Variants in AGMO observed in about 807,000 individuals in gnomAD.
AGMO encodes the protein alkylglycerol monooxygenase.
A neutral mutation model predicts 60.2 loss-of-function variants in AGMO; 75 were observed. The observed-to-expected ratio is 1.25, with a 90% CI of 1.03 to 1.51. The LOEUF (loss-of-function observed/expected upper bound fraction) is 1.51, where lower values mean the gene tolerates loss of function less well. Ranked by LOEUF, AGMO falls within the 40% of genes most tolerant of loss-of-function variation. The pLI is 0.00. For synonymous variants in AGMO, 261 were observed against 177.1 expected (o/e 1.47, Z -3.76); for missense variants, 763 against 525.5 (o/e 1.45, Z -4.42).
the AGMO span, among the ~76,000 whole-genome samples, chr7:15,131,287 G>A: frequency 6.6e-6 from 1 of 152,074 alleles, no homozygotes; most frequent in African/African-American, 2.4e-5. Context: ...TGGAGTTAGA[G>A]CTCCATAACT....
At chr7:15,400,866 A>G (rs1432595147) in intron 5 of AGMO, among the ~76,000 whole-genome samples, 1 of 152,174 alleles carries the variant, frequency 6.6e-6, no homozygotes, top group Non-Finnish European at 1.5e-5. Context: ...TGAGAGCTTC[A>G]GTTTCAAATG....
At chr7:15,235,924 C>A (rs1482291980) in intron 12 of AGMO, among the ~76,000 whole-genome samples, 1 of 152,122 alleles carries the variant, frequency 6.6e-6, no homozygotes, top group African/African-American at 2.4e-5. Flanking sequence ...AAATTCCCCA[C>A]CAAGCGTGGC....
chr7:15,418,734 A>C (rs928018014), intron 4 of AGMO, 81 bp from the exon 5 acceptor site: 6 of 826,442 alleles, frequency 7.3e-6, no homozygotes, highest in Non-Finnish European at 1.1e-5. Context: ...TTCTGAATGC[A>C]TATTTCTTTA....
the AGMO span, among the ~76,000 whole-genome samples, chr7:15,161,122 T>G: frequency 6.6e-6 from 1 of 152,168 alleles, no homozygotes; most frequent in African/African-American, 2.4e-5. Flanking sequence ...TAATCACCTC[T>G]CATTAGGCCA....
At chr7:15,424,345 C>T (rs1344847772) in intron 4 of AGMO, among the ~76,000 whole-genome samples, 2 of 152,112 alleles carry the variant, frequency 1.3e-5, no homozygotes, top group Admixed American at 6.6e-5. Context: ...GGGTGATGCA[C>T]TATCATAATA....
At chr7:15,191,683 T>G in the AGMO span, among the ~76,000 whole-genome samples, 1 of 152,170 alleles carries the variant, frequency 6.6e-6, no homozygotes, top group East Asian at 1.9e-4. Context: ...TCTCAATAAA[T>G]TAGCTTAAAT....
intron 3 of AGMO, among the ~76,000 whole-genome samples, chr7:15,472,726 T>C (rs904583188): frequency 6.6e-6 from 1 of 151,970 alleles, no homozygotes; most frequent in Non-Finnish European, 1.5e-5. Flanking sequence ...ATTGTTGTGG[T>C]AATATTAGCC....
intron 12 of AGMO, among the ~76,000 whole-genome samples, chr7:15,304,499 T>G (rs1310948158): frequency 6.6e-6 from 1 of 152,036 alleles, no homozygotes; most frequent in Non-Finnish European, 1.5e-5. Context: ...TGGTGGTGAT[T>G]TAGGGTTTGT....
At chr7:15,504,373 A>G (rs564894284) in intron 3 of AGMO, among the ~76,000 whole-genome samples, 1 of 152,098 alleles carries the variant, frequency 6.6e-6, no homozygotes, top group South Asian at 2.1e-4. Flanking sequence ...GCCTTCTCTG[A>G]TGGTTTCTAC....
intron 3 of AGMO, among the ~76,000 whole-genome samples, chr7:15,455,410 G>A (rs1183157123): frequency 2.6e-5 from 4 of 151,890 alleles, no homozygotes; most frequent in Non-Finnish European, 4.4e-5. Flanking sequence ...TGGTGACTTT[G>A]GGTCACCAGC....
At chr7:15,240,453 T>C (rs1782556458) in intron 12 of AGMO, among the ~76,000 whole-genome samples, 1 of 152,166 alleles carries the variant, frequency 6.6e-6, no homozygotes, top group African/African-American at 2.4e-5. Context: ...AGTCATTTTG[T>C]TCTAAAAATG....
chr7:15,398,563 G>A (rs1027976912), intron 5 of AGMO, among the ~76,000 whole-genome samples: 1 of 152,108 alleles, frequency 6.6e-6, no homozygotes, highest in African/African-American at 2.4e-5. Context: ...ATTTATTAAG[G>A]GTTGAGCATA....
intron 3 of AGMO, among the ~76,000 whole-genome samples, chr7:15,512,804 C>G (rs574002669): frequency 1.3e-5 from 2 of 152,014 alleles, no homozygotes; most frequent in African/African-American, 4.8e-5. Flanking sequence ...TACATGAAAC[C>G]GCACTTTATT....
rs1304139540 is a variant in AGMO at position 15,322,611 on chromosome 7, T to A, written c.1263+42903A>T. Reference sequence around the variant, plus strand: ...ATATATAAATATATATAAATATATATAAATATATAAATATATATAAATATA... The same window carrying A: ...ATATATAAATATATATAAATATATAAAAATATATAAATATATATAAATATA... On this transcript the variant is annotated intron_variant, in intron 12 of 12. Coordinates refer to ENST00000342526, the MANE Select transcript of AGMO (RefSeq NM_001004320.2). Among the ~76,000 whole-genome samples the A allele has an allele frequency of 2.5e-4, 11 of 43,210 alleles. 1 individual carries two copies. The highest frequency in any genetic ancestry group is 4.3e-4 in the Admixed American group (1 of 2,336). The allele number at this position is 43,210 out of a possible 152,430, so 28.3% of individuals were successfully genotyped here.
intron 12 of AGMO, among the ~76,000 whole-genome samples, chr7:15,212,289 A>C (rs796372883): frequency 1.1e-4 from 14 of 121,960 alleles, no homozygotes; most frequent in African/African-American, 1.9e-4. Context: ...CACACACACA[A>C]ATAGCATGGG....
intron 12 of AGMO, among the ~76,000 whole-genome samples, chr7:15,333,021 C>G (rs539076913): frequency 3.9e-5 from 6 of 152,100 alleles, no homozygotes; most frequent in Non-Finnish European, 8.8e-5. Context: ...TTCATAAACT[C>G]TAGAAGGAAA....
chr7:15,124,170 C>G, the AGMO span, among the ~76,000 whole-genome samples: 1 of 152,018 alleles, frequency 6.6e-6, no homozygotes, highest in Non-Finnish European at 1.5e-5. Flanking sequence ...CAAAACAAAA[C>G]AAAACAAAAC....
chr7:15,523,956 T>C (rs957743646), intron 3 of AGMO, among the ~76,000 whole-genome samples: 1 of 152,150 alleles, frequency 6.6e-6, no homozygotes, highest in Admixed American at 6.5e-5. Context: ...TGTCTGAAAA[T>C]GCATTTTATA....
At chr7:15,374,171 G>A (rs765722649) in intron 10 of AGMO, among the ~76,000 whole-genome samples, 3 of 151,518 alleles carry the variant, frequency 2.0e-5, no homozygotes, top group Non-Finnish European at 2.9e-5. Flanking sequence ...TGAGTCTCAA[G>A]AATCTGTCTT....
Sources: gnomAD v4.1 joint callset for allele counts (sites outside exome capture counted in the v4.1 genomes callset) on GRCh38, gnomAD v4.1.1 for gene constraint, MANE v1.5 for transcripts, NCBI Gene and HGNC (gene_info 2026-07-23, HGNC 2026-07-21) for gene names.